Variants in UBE2O observed in about 807,000 individuals in gnomAD.
UBE2O encodes the protein (E3-independent) E2 ubiquitin-conjugating enzyme.
A neutral mutation model predicts 125.8 loss-of-function variants in UBE2O; 15 were observed. That is an observed-to-expected ratio of 0.12 (90% confidence interval 0.08 to 0.18). UBE2O has a LOEUF of 0.18. UBE2O is among the 10% of genes least tolerant of loss of function. The probability of loss-of-function intolerance (pLI) is 1.00; values close to 1 mark genes in which losing one functional copy is unlikely to be tolerated. For missense variants in UBE2O, 1,280 were observed against 1,723.6 expected (o/e 0.74, Z 4.56); for synonymous variants, 708 against 703.2 (o/e 1.01, Z -0.11).
chr17:76,415,161 G>A (rs1043491994), intron 1 of UBE2O, among the ~76,000 whole-genome samples: 38 of 152,286 alleles, frequency 2.5e-4, no homozygotes, highest in African/African-American at 7.7e-4. Context: ...GCCAGGCACA[G>A]AGCAAGTTCA....
chr17:76,414,754 C>T (rs2072572089), intron 1 of UBE2O, among the ~76,000 whole-genome samples: 1 of 152,212 alleles, frequency 6.6e-6, no homozygotes, highest in Admixed American at 6.5e-5. Context: ...GGCAGGGGGC[C>T]AGCGGGCTGG....
chr17:76,400,940 A>C lies in UBE2O; in HGVS notation c.894+71T>G, dbSNP rs2072311994. ...GCTCAACCCTCAAGAGCAGGAAGGAAAGGGGCAGCAGCTCAGCTCCAGGGT... is the reference window on the plus strand; with the variant it reads ...GCTCAACCCTCAAGAGCAGGAAGGACAGGGGCAGCAGCTCAGCTCCAGGGT... On this transcript the variant is annotated intron_variant, in intron 6 of 17. Transcript: ENST00000319380. This position sits in a 1 kb window ranked among gnomAD's most constrained non-coding sequence, Gnocchi z 4.3. 3.8e-6 allele frequency: 6 copies of C among 1,571,398 alleles called. No individual in the cohort carries two copies. The South Asian group carries it at 6.8e-5, about 18-fold the overall frequency.
In UBE2O at chr17:76,390,040, G is replaced by A. The variant is rs993971074; in HGVS notation, c.*903C>T. On this transcript the variant is annotated 3_prime_UTR_variant, in exon 18 of 18. Coordinates refer to ENST00000319380, the MANE Select transcript of UBE2O (RefSeq NM_022066.4). ...CGGATTGAGCCTGCAGTTTGTAAGC[G>A]AAGGGCTGACAGTAGGCCTTCTAGT... 7 of 152,568 alleles carry A rather than the reference G, an allele frequency of 4.6e-5. No homozygotes were observed. Among genetic ancestry groups the A allele is most frequent in the Admixed American group, 2.6e-4 (4 of 15,286 alleles). The allele number at this position is 152,568 out of a possible 1,614,324, so 9.5% of individuals were successfully genotyped here. A position where few individuals can be genotyped will look rare whatever the true frequency, so the allele number is the denominator to read the frequency against.
intron 1 of UBE2O, among the ~76,000 whole-genome samples, chr17:76,444,472 G>A (rs2073124143): frequency 6.6e-6 from 1 of 152,200 alleles, no homozygotes; most frequent in African/African-American, 2.4e-5. Flanking sequence ...AGGAGGCGGA[G>A]GCTGCAGTAA....
intron 1 of UBE2O, among the ~76,000 whole-genome samples, chr17:76,424,553 G>A (rs962358798): frequency 2.0e-5 from 3 of 151,922 alleles, no homozygotes; most frequent in African/African-American, 7.3e-5. Flanking sequence ...TGGTATCTTG[G>A]ATATATACTG....
At chr17:76,430,658 ATGCT>A (rs2072891264) in intron 1 of UBE2O, 1 of 323,644 alleles carries the variant, frequency 3.1e-6, no homozygotes, top group Admixed American at 3.7e-5. Context: ...TGCCACGGCC[ATGCT>A]TGTAGATGAG....
chr17:76,427,965 C>T (rs2143833584), intron 1 of UBE2O, among the ~76,000 whole-genome samples: 1 of 152,288 alleles, frequency 6.6e-6, no homozygotes, highest in Admixed American at 6.5e-5. Flanking sequence ...CCCACCTTGC[C>T]CCTCCCCAGA....
chr17:76,431,473 A>G (rs1042554547), intron 1 of UBE2O, among the ~76,000 whole-genome samples: 1 of 152,096 alleles, frequency 6.6e-6, no homozygotes, highest in Non-Finnish European at 1.5e-5. Context: ...CCGAGATCGC[A>G]CTCCAGCCTG....
At position 76,398,005 on chromosome 17, in the gene UBE2O, C is replaced by A. The variant is rs2072246509; in HGVS notation, c.2026-117G>T. On this transcript the variant is annotated intron_variant, in intron 12 of 17. Coordinates refer to ENST00000319380, the MANE Select transcript of UBE2O (RefSeq NM_022066.4). The surrounding 1 kb of genome is among the most constrained non-coding windows in gnomAD (Gnocchi z 5.4). ...ACCTGGCTTGTGACAAGGAACTTAG[C>A]TCCTCTGGTAAATGTAACCAGCGGC... 5 of 1,182,390 alleles carry A rather than the reference C, an allele frequency of 4.2e-6. No homozygotes were observed. In the South Asian group the frequency reaches 6.6e-5, roughly 16 times the overall value. 73.2% of individuals were successfully genotyped at this position (1,182,390 alleles called of 1,614,324 possible).
At chr17:76,442,239 T>C (rs1018006841) in intron 1 of UBE2O, among the ~76,000 whole-genome samples, 2 of 152,210 alleles carry the variant, frequency 1.3e-5, no homozygotes, top group African/African-American at 4.8e-5. Context: ...ATATGGTGTA[T>C]TCTGATTAAT....
chr17:76,446,401 G>A (rs565953262), intron 1 of UBE2O, among the ~76,000 whole-genome samples: 1 of 152,020 alleles, frequency 6.6e-6, no homozygotes, highest in South Asian at 2.1e-4. Flanking sequence ...GGTGGGTTAA[G>A]TAGTAAAAAA....
At chr17:76,429,429 C>T (rs2072866721) in intron 1 of UBE2O, among the ~76,000 whole-genome samples, 1 of 149,642 alleles carries the variant, frequency 6.7e-6, no homozygotes, top group Non-Finnish European at 1.5e-5. Flanking sequence ...GTAATCCCAG[C>T]TACTTGGGAG....
chr17:76,432,988 TA>T (rs1351194093), intron 1 of UBE2O, among the ~76,000 whole-genome samples: 2 of 152,136 alleles, frequency 1.3e-5, no homozygotes, highest in Non-Finnish European at 2.9e-5. Flanking sequence ...GGTGGGTATG[TA>T]AAATGGTGCA....
chr17:76,406,026 C>A (rs181597918), intron 1 of UBE2O, among the ~76,000 whole-genome samples: 2 of 152,336 alleles, frequency 1.3e-5, no homozygotes, highest in East Asian at 3.9e-4. Context: ...AAGCAGGACA[C>A]TGGGCTGCGG....
chr17:76,416,001 A>G (rs534468540), intron 1 of UBE2O, among the ~76,000 whole-genome samples: 10 of 143,156 alleles, frequency 7.0e-5, no homozygotes, highest in Non-Finnish European at 1.6e-4. Context: ...ACACGTATAT[A>G]CGTATGTGTA....
Position 76,438,856 on chromosome 17 carries a change from C to CCACGCCATGCATGCATAGGT in UBE2O, c.417+13849_417+13868dup, listed in dbSNP as rs527259607. ...GTGAGAAGTCAGCACCTCTAGCACT[C>CCACGCCATGCATGCATAGGT]CACGCCATGCATGCATAGGTGACGC... On this transcript the variant is annotated intron_variant, in intron 1 of 17. Coordinates refer to ENST00000319380, the MANE Select transcript of UBE2O (RefSeq NM_022066.4). Among the ~76,000 whole-genome samples the CCACGCCATGCATGCATAGGT allele has an allele frequency of 6.3e-3, 963 of 152,214 alleles. 9 individuals carry two copies. The highest frequency in any genetic ancestry group is 0.01 in the Non-Finnish European group (696 of 67,996).
rs372937922 is a variant in UBE2O, at chr17:76,398,383, G to C, written c.1897C>G (p.Leu633Val). The C allele has an allele frequency of 1.2e-6, 2 of 1,614,004 alleles. No individual in the cohort carries two copies. Among genetic ancestry groups the C allele is most frequent in the Non-Finnish European group, 1.7e-6 (2 of 1,180,048 alleles). ...CTCACATCTTCCTCTTCTCCAATCA[G>C]CTGTGGCACAGGACAGGTTGTCATG... ...KLRPSGDDVE[L>V]IGEEEDVSVY... The change falls in exon 12 of 18, where the codon CTG (leucine) becomes GTG (valine). Residue 633 changes from leucine to valine, a missense_variant and splice_region_variant. Physicochemically the swap from Leu to Val is conservative, Grantham distance 32. Around this residue, in one of 10 missense-constraint regions of UBE2O, gnomAD observed 145 missense variants for 219.6 expected, o/e 0.66. Transcript: ENST00000319380. This position sits in a 1 kb window ranked among gnomAD's most constrained non-coding sequence, Gnocchi z 5.4.
intron 1 of UBE2O, among the ~76,000 whole-genome samples, chr17:76,416,144 T>C (rs1011626510): frequency 2.6e-5 from 4 of 151,638 alleles, no homozygotes; most frequent in East Asian, 1.9e-4. Context: ...TGTATAGATA[T>C]ATAAAGTGTG....
At position 76,451,124 on chromosome 17, in the gene UBE2O, C is replaced by CA. The variant is rs574443544; in HGVS notation, c.417+1600dup. Among the ~76,000 whole-genome samples, 15 of 152,314 alleles carry CA rather than the reference C, an allele frequency of 9.8e-5. No homozygotes were observed. The South Asian group carries it at 3.1e-3, about 32-fold the overall frequency. ...AGTCCTAGGGCAGGAGGCCACAACA[C>CA]AGAGGATGCTGCAGTCAAATGAGTT... is the stretch of plus-strand genomic sequence containing the variant. On this transcript the variant is annotated intron_variant, in intron 1 of 17. Coordinates refer to ENST00000319380, the MANE Select transcript of UBE2O (RefSeq NM_022066.4).
Sources: gnomAD v4.1 joint callset for allele counts (sites outside exome capture counted in the v4.1 genomes callset) on GRCh38, gnomAD v4.1.1 for gene constraint, gnomAD v4.1.1 regional missense constraint, Gnocchi (gnomAD v3.1) non-coding constraint, MANE v1.5 for transcripts, NCBI Gene and HGNC (gene_info 2026-07-23, HGNC 2026-07-21) for gene names.